NTM: variants seen among roughly 807,000 people sequenced by gnomAD.
The protein encoded by NTM is IgLON family member 2.
Under a neutral mutation model 42.1 loss-of-function variants are expected in NTM, and 13 were observed. The ratio of observed to expected loss-of-function variants is 0.31; its 90% CI spans 0.20 to 0.49. The LOEUF (loss-of-function observed/expected upper bound fraction) is 0.49, where lower values mean the gene tolerates loss of function less well. Among genes scored for constraint, NTM ranks in the 20% least tolerant of loss-of-function variants. The pLI is 0.99. For missense variants in NTM, 373 were observed against 452.8 expected (o/e 0.82, Z 1.60); for synonymous variants, 187 against 179.2 (o/e 1.04, Z -0.35).
chr11:132,169,360 G>C (rs1264415012), intron 3 of NTM, among the ~76,000 whole-genome samples: 8 of 48,084 alleles, frequency 1.7e-4, no homozygotes, highest in Non-Finnish European at 2.5e-4. Flanking sequence ...TTTGGAGATG[G>C]AGTCTCACTC....
chr11:131,736,006 T>C (rs2135532470), intron 1 of NTM, among the ~76,000 whole-genome samples: 1 of 152,216 alleles, frequency 6.6e-6, no homozygotes, highest in Non-Finnish European at 1.5e-5. Flanking sequence ...CTACTTTTTG[T>C]ATTTTTAGTA....
At chr11:132,225,545 G>T (rs987441118) in intron 4 of NTM, among the ~76,000 whole-genome samples, 2 of 152,192 alleles carry the variant, frequency 1.3e-5, no homozygotes, top group Admixed American at 6.5e-5. Context: ...GGTGCTCAGG[G>T]AAGTGATGTA....
intron 1 of NTM, among the ~76,000 whole-genome samples, chr11:131,852,169 G>A (rs936063261): frequency 3.3e-5 from 5 of 152,144 alleles, no homozygotes; most frequent in Admixed American, 2.6e-4. Context: ...CATGAGCTGC[G>A]TGCAAATGGC....
In NTM at chr11:131,649,973, G is replaced by A. The variant is rs7927283; in HGVS notation, c.83-261591G>A. Among the ~76,000 whole-genome samples the A allele has an allele frequency of 4.2e-3, 634 of 152,248 alleles. 5 individuals carry two copies. The highest frequency in any genetic ancestry group is 0.014 in the African/African-American group (593 of 41,532). On this transcript the variant is annotated intron_variant, in intron 1 of 8. Coordinates refer to ENST00000683400, the MANE Select transcript of NTM (RefSeq NM_001352005.2). ...GTTGCTCTAGACTTTGAGCAGACACGCTTCTTTCCCGTTTATCTGATGAAG... is the reference window on the plus strand; with the variant it reads ...GTTGCTCTAGACTTTGAGCAGACACACTTCTTTCCCGTTTATCTGATGAAG...
At chr11:131,521,017 A>C (rs908356464) in intron 1 of NTM, among the ~76,000 whole-genome samples, 20 of 152,248 alleles carry the variant, frequency 1.3e-4, no homozygotes, top group African/African-American at 4.1e-4. Context: ...AAGAAGAAGG[A>C]AGCAAGAGAA....
At chr11:132,304,814 G>A (rs2095018403) in intron 4 of NTM, among the ~76,000 whole-genome samples, 1 of 152,152 alleles carries the variant, frequency 6.6e-6, no homozygotes, top group Non-Finnish European at 1.5e-5. Context: ...AATAACTGGT[G>A]AGCAATGAAG....
chr11:132,149,792 G>A (rs1330190587), intron 3 of NTM, among the ~76,000 whole-genome samples: 1 of 152,136 alleles, frequency 6.6e-6, no homozygotes, highest in Admixed American at 6.5e-5. Flanking sequence ...AGATGGAGGG[G>A]GAAGGCGGCA....
At chr11:132,297,103 C>T (rs1339417849) in intron 4 of NTM, among the ~76,000 whole-genome samples, 6 of 152,174 alleles carry the variant, frequency 3.9e-5, no homozygotes, top group African/African-American at 1.4e-4. Flanking sequence ...CAAGTTATTC[C>T]CTTCTGCACA....
At chr11:131,449,721 C>T (rs148693367) in intron 1 of NTM, among the ~76,000 whole-genome samples, 1 of 152,308 alleles carries the variant, frequency 6.6e-6, no homozygotes, top group Non-Finnish European at 1.5e-5. Context: ...AGCATGGAGG[C>T]CGCAGGTGTA....
intron 3 of NTM, among the ~76,000 whole-genome samples, chr11:132,209,882 T>C (rs954016143): frequency 3.9e-5 from 6 of 152,164 alleles, no homozygotes; most frequent in African/African-American, 1.4e-4. Context: ...ATGATGAGCA[T>C]TTCAATTGGG....
chr11:131,701,311 T>A (rs2076048891), intron 1 of NTM, among the ~76,000 whole-genome samples: 1 of 152,170 alleles, frequency 6.6e-6, no homozygotes, highest in South Asian at 2.1e-4. Context: ...TTGCCAGGAA[T>A]AAATGAGAAA....
chr11:132,198,722 G>C (rs766510720), intron 3 of NTM, among the ~76,000 whole-genome samples: 13 of 152,170 alleles, frequency 8.5e-5, no homozygotes, highest in Non-Finnish European at 1.8e-4. Context: ...AATCCATTCA[G>C]ATAGAGAGCA....
intron 2 of NTM, among the ~76,000 whole-genome samples, chr11:132,095,844 G>A (rs1483672330): frequency 3.9e-5 from 6 of 152,196 alleles, no homozygotes; most frequent in Non-Finnish European, 5.9e-5. Flanking sequence ...GGCTCTGGCC[G>A]TAGCCCTGCC....
intron 1 of NTM, among the ~76,000 whole-genome samples, chr11:131,769,867 T>C (rs2085759013): frequency 6.6e-6 from 1 of 152,194 alleles, no homozygotes; most frequent in South Asian, 2.1e-4. Context: ...ACATGAAGGA[T>C]GACAACATCA....
intron 4 of NTM, among the ~76,000 whole-genome samples, chr11:132,218,594 G>A (rs1158809917): frequency 3.3e-5 from 5 of 152,116 alleles, no homozygotes; most frequent in Admixed American, 3.3e-4. Context: ...CCAGCTGCCT[G>A]CCTATCTTCT....
chr11:131,645,069 C>A (rs1452816185), intron 1 of NTM, among the ~76,000 whole-genome samples: 3 of 152,002 alleles, frequency 2.0e-5, no homozygotes, highest in African/African-American at 7.3e-5. Context: ...CAGATTGAGC[C>A]CTGACCAGAC....
chr11:132,101,416 G>A (rs914170162), intron 2 of NTM, among the ~76,000 whole-genome samples: 8 of 152,142 alleles, frequency 5.3e-5, no homozygotes, highest in South Asian at 2.1e-4. Flanking sequence ...CAGGCACACC[G>A]TCTTCCCCAC....
chr11:131,402,292 C>T (rs1945329614), intron 1 of NTM, among the ~76,000 whole-genome samples: 1 of 151,838 alleles, frequency 6.6e-6, no homozygotes, highest in Admixed American at 6.6e-5. Context: ...CAGTTCCTTA[C>T]ACAAGAACTT....
At chr11:131,564,207 A>T (rs952699231) in intron 1 of NTM, among the ~76,000 whole-genome samples, 6 of 151,894 alleles carry the variant, frequency 4.0e-5, no homozygotes, top group Non-Finnish European at 7.4e-5. Flanking sequence ...GGTCCTTTTC[A>T]CTCCCTCTTT....
Sources: gnomAD v4.1 joint callset for allele counts (sites outside exome capture counted in the v4.1 genomes callset) on GRCh38, gnomAD v4.1.1 for gene constraint, MANE v1.5 for transcripts, NCBI Gene and HGNC (gene_info 2026-07-23, HGNC 2026-07-21) for gene names.